The following DICER1 variants were observed in gnomAD, a reference collection of about 807,000 sequenced individuals.
DICER1 encodes endoribonuclease Dicer.
A neutral mutation model predicts 194.1 loss-of-function variants in DICER1; 43 were observed. The observed-to-expected ratio is 0.22, with a 90% CI of 0.17 to 0.29. DICER1 has a LOEUF of 0.29. Among genes scored for constraint, DICER1 ranks in the 10% least tolerant of loss-of-function variants. The pLI is 1.00. For missense variants in DICER1, 1,608 were observed against 2,317.0 expected, an observed-to-expected ratio of 0.69 and a Z score of 6.28; for synonymous variants, 832 against 820.5, an observed-to-expected ratio of 1.01 and a Z score of -0.24.
In DICER1 at chr14:95,137,582, G is replaced by C. The variant is rs543081428; in HGVS notation, c.-45-4079C>G. 7.1e-3 allele frequency among the ~76,000 whole-genome samples: 1,080 copies of C among 151,882 alleles called. 12 individuals carry two copies. Among genetic ancestry groups the C allele is most frequent in the African/African-American group, 0.025 (1,026 of 41,374 alleles). On this transcript the variant is annotated intron_variant, in intron 1 of 26. Coordinates refer to ENST00000343455, the MANE Select transcript of DICER1 (RefSeq NM_177438.3). Reference sequence around the variant, plus strand: ...GGAGAAGGGGAAGGGAAAGGGGAAGGGGAAAGGAAAAAAGTCAGGGATCAA... The same window carrying C: ...GGAGAAGGGGAAGGGAAAGGGGAAGCGGAAAGGAAAAAAGTCAGGGATCAA...
intron 21 of DICER1, among the ~76,000 whole-genome samples, chr14:95,101,446 A>G (rs1890869262): frequency 6.6e-6 from 1 of 152,182 alleles, no homozygotes; most frequent in South Asian, 2.1e-4. Context: ...TTCTTCCTGC[A>G]ACCACCTCTT....
intron 17 of DICER1, 65 bp downstream of exon 17, chr14:95,107,543 C>T: frequency 1.3e-6 from 2 of 1,562,040 alleles, no homozygotes; most frequent in Non-Finnish European, 8.8e-7. Flanking sequence ...AGCCACCGTG[C>T]CCGACCTAGT....
intron 1 of DICER1, among the ~76,000 whole-genome samples, chr14:95,151,571 T>C (rs559794758): frequency 1.4e-5 from 2 of 144,234 alleles, no homozygotes; most frequent in East Asian, 1.9e-4. Context: ...TCAAGAGACG[T>C]TGCCATATGC....
chr14:95,102,546 T>C (rs1890974449), intron 21 of DICER1, among the ~76,000 whole-genome samples: 1 of 152,196 alleles, frequency 6.6e-6, no homozygotes, highest in Non-Finnish European at 1.5e-5. Context: ...CTGTTCACTT[T>C]GCTTATGCAC....
At position 95,137,157 on chromosome 14, in the gene DICER1, A is replaced by G. The variant is rs368587386; in HGVS notation, c.-45-3654T>C. 6.0e-5 allele frequency among the ~76,000 whole-genome samples: 9 copies of G among 149,838 alleles called. No homozygotes were observed. In the East Asian group the frequency reaches 1.6e-3, roughly 27 times the overall value. On this transcript the variant is annotated intron_variant, in intron 1 of 26. Coordinates refer to ENST00000343455, the MANE Select transcript of DICER1 (RefSeq NM_177438.3). ...GGAAAAGGAAAGAAAAGGGAAAGGAAGAGGAAGGGGAAGGAAAAGGGGAAG... is the reference window on the plus strand; with the variant it reads ...GGAAAAGGAAAGAAAAGGGAAAGGAGGAGGAAGGGGAAGGAAAAGGGGAAG...
chr14:95,123,492 A>C (rs990602767), intron 8 of DICER1, among the ~76,000 whole-genome samples: 2 of 152,248 alleles, frequency 1.3e-5, no homozygotes, highest in East Asian at 3.9e-4. Flanking sequence ...GTGCCATCTC[A>C]GCTCACTGCA....
At position 95,129,637 on chromosome 14, in the gene DICER1, C is replaced by T. The variant is rs368253792; in HGVS notation, c.574-5G>A. ...TGATGGACAATTTTCACAGAGCTAA[C>T]ATAATAAAAGATACTGACAGTAAAG... On this transcript the variant is annotated splice_polypyrimidine_tract_variant and splice_region_variant and intron_variant, in intron 5 of 26. Transcript: ENST00000343455. 31 of 1,609,616 alleles carry T rather than the reference C, an allele frequency of 1.9e-5. No individual in the cohort carries two copies. The highest frequency in any genetic ancestry group is 2.6e-5 in the Non-Finnish European group (31 of 1,179,562).
rs1464180770 is a variant in DICER1 at position 95,131,659 on chromosome 14, T to A, written c.308-20A>T. 1 of 1,611,064 alleles carries A rather than the reference T, an allele frequency of 6.2e-7. No individual in the cohort carries two copies. The highest frequency in any genetic ancestry group is 8.5e-7 in the Non-Finnish European group (1 of 1,177,472). On this transcript the variant is annotated intron_variant, in intron 3 of 26. Transcript: ENST00000343455. Reference sequence around the variant, plus strand: ...GGTTTGCTAATTACAAATATAATACTCCATGTAAATATGAGAAATCTTGCC... The same window carrying A: ...GGTTTGCTAATTACAAATATAATACACCATGTAAATATGAGAAATCTTGCC...
At position 95,129,500 on chromosome 14, in the gene DICER1, T is replaced by C; in HGVS notation, c.706A>G (p.Thr236Ala). ...LEKILKSNAE[T>A]ATDLVVLDRY... ...TCTAAGACCACCAGGTCAGTTGCAG[T>C]TTCAGCATTACTCTTAAGAATTTTC... The change falls in exon 6 of 27, where the codon ACT becomes GCT. Residue 236 changes from threonine (T) to alanine (A), a missense_variant. By Grantham distance (58) the Thr-to-Ala change is moderately conservative. Around this residue, in one of 10 missense-constraint regions of DICER1, gnomAD observed 657 missense variants for 910.1 expected, o/e 0.72. Transcript: ENST00000343455. 6.2e-7 allele frequency: 1 copy of C among 1,613,936 alleles called. No individual in the cohort carries two copies. The highest frequency in any genetic ancestry group is 1.1e-5 in the South Asian group (1 of 91,078).
intron 23 of DICER1, among the ~76,000 whole-genome samples, chr14:95,095,172 A>G (rs765237666): frequency 2.0e-5 from 3 of 152,194 alleles, no homozygotes; most frequent in Non-Finnish European, 4.4e-5. Flanking sequence ...TTTCTGATAC[A>G]GAAATTGAAA....
At chr14:95,137,320 G>A (rs1894464464) in intron 1 of DICER1, among the ~76,000 whole-genome samples, 2 of 133,654 alleles carry the variant, frequency 1.5e-5, no homozygotes, top group Non-Finnish European at 3.1e-5. Flanking sequence ...AGGGAAAGGG[G>A]AAGAGGAAAG....
At chr14:95,148,049 T>A (rs904037737) in intron 1 of DICER1, among the ~76,000 whole-genome samples, 2 of 152,046 alleles carry the variant, frequency 1.3e-5, no homozygotes, top group African/African-American at 2.4e-5. Context: ...AATAAGTAAA[T>A]TAATTAGGTA....
chr14:95,094,134 G>T lies in DICER1; in HGVS notation c.5118C>A (p.Phe1706Leu), dbSNP rs1060503635. ...GGTAGTCCAAAATCGCATCTCCCAG[G>T]AATTCTAAGCGCTGGTAACAATCTG... ...TITDCYQRLE[F>L]LGDAILDYLI... Residue 1706 changes from phenylalanine to leucine, a missense_variant, in exon 24 of 27, where the codon TTC (phenylalanine) becomes TTA (leucine). Around this residue, in one of 10 missense-constraint regions of DICER1, gnomAD observed 138 missense variants for 298.3 expected, o/e 0.46. Transcript: ENST00000343455. 1 of 1,614,128 alleles carries T rather than the reference G, an allele frequency of 6.2e-7. No homozygotes were observed. The highest frequency in any genetic ancestry group is 8.5e-7 in the Non-Finnish European group (1 of 1,180,034).
intron 11 of DICER1, among the ~76,000 whole-genome samples, chr14:95,114,008 G>A (rs1192514980): frequency 6.6e-6 from 1 of 152,210 alleles, no homozygotes; most frequent in East Asian, 1.9e-4. Flanking sequence ...AATCTAGAAT[G>A]AAACCTCTAG....
rs562751570 is a variant in DICER1 at position 95,114,570 on chromosome 14, A to G, written c.1907+1097T>C. Among the ~76,000 whole-genome samples the G allele has an allele frequency of 3.9e-5, 6 of 152,358 alleles. No homozygotes were observed. In the East Asian group the frequency reaches 1.2e-3, roughly 29 times the overall value. ...ATAATCAATTTGGGCCAGAAATATC[A>G]AAGAATGCTTACACTAATGAGTCAA... On this transcript the variant is annotated intron_variant, in intron 11 of 26. Coordinates refer to ENST00000343455, the MANE Select transcript of DICER1 (RefSeq NM_177438.3).
Position 95,103,835 on chromosome 14 carries a change from G to C in DICER1, c.3561C>G (p.Gly1187=). The change falls in exon 21 of 27, where the codon GGC becomes GGG. Residue 1187 remains glycine, a synonymous_variant. Transcript: ENST00000343455. ...GLSYNQNLAN[G]SYDLANRDFC... ...AGTCTCTGTTAGCTAAATCATAACT[G>C]CCATTGGCGAGATTTTGATTGTAAG... is the stretch of plus-strand genomic sequence containing the variant. 6.2e-7 allele frequency: 1 copy of C among 1,614,134 alleles called. No individual in the cohort carries two copies. Among genetic ancestry groups the C allele is most frequent in the South Asian group, 1.1e-5 (1 of 91,078 alleles).
chr14:95,116,481 T>C lies in DICER1; in HGVS notation c.1724A>G (p.Asp575Gly), dbSNP rs1892479531. ...DTDKIKSFEE[D>G]LKTYKAIEKI... ...TTCAATAGCTTTGTAGGTTTTAAGG[T>C]CTTCTTCAAAACTTTTTATTTTGTC... Residue 575 changes from aspartate (D) to glycine (G), a missense_variant, in exon 10 of 27, where the codon GAC (aspartate) becomes GGC (glycine). Coordinates refer to ENST00000343455, the MANE Select transcript of DICER1 (RefSeq NM_177438.3). The C allele has an allele frequency of 6.2e-7, 1 of 1,613,000 alleles. No homozygotes were observed. Among genetic ancestry groups the C allele is most frequent in the African/African-American group, 1.3e-5 (1 of 74,874 alleles).
At chr14:95,119,414 G>A (rs183501162) in intron 8 of DICER1, among the ~76,000 whole-genome samples, 2 of 152,254 alleles carry the variant, frequency 1.3e-5, no homozygotes, top group Admixed American at 1.3e-4. Context: ...AGAGAAAAAT[G>A]TATTTATCTA....
intron 1 of DICER1, among the ~76,000 whole-genome samples, chr14:95,138,976 TA>T (rs1187782733): frequency 6.9e-4 from 13 of 18,722 alleles, no homozygotes; most frequent in Admixed American, 3.6e-3. Context: ...ATAAAAAAAA[TA>T]AAAATAAATA....
Sources: gnomAD v4.1 joint callset for allele counts (sites outside exome capture counted in the v4.1 genomes callset) on GRCh38, gnomAD v4.1.1 for gene constraint, gnomAD v4.1.1 regional missense constraint, MANE v1.5 for transcripts, NCBI Gene and HGNC (gene_info 2026-07-23, HGNC 2026-07-21) for gene names.